AGPAT5: variants seen among roughly 807,000 people sequenced by gnomAD.
The protein encoded by AGPAT5 is 1-acyl-sn-glycerol-3-phosphate acyltransferase epsilon.
AGPAT5 carries 46 observed loss-of-function variants against 45.6 expected under a neutral mutation model. The ratio of observed to expected loss-of-function variants is 1.01; its 90% confidence interval spans 0.80 to 1.29. The LOEUF is 1.29. Ranked by LOEUF, AGPAT5 falls within the 50% of genes most tolerant of loss-of-function variation. AGPAT5 has a pLI of 0.00. For missense variants in AGPAT5, 673 were observed against 450.7 expected (o/e 1.49, Z -4.47); for synonymous variants, 272 against 167.0 (o/e 1.63, Z -4.85).
At chr8:6,755,472 G>A (rs533781422) in intron 7 of AGPAT5, among the ~76,000 whole-genome samples, 5 of 152,196 alleles carry the variant, frequency 3.3e-5, no homozygotes, top group Non-Finnish European at 7.3e-5. Flanking sequence ...ACTTTCCAGT[G>A]TCAGATGCCC....
intron 1 of AGPAT5, among the ~76,000 whole-genome samples, chr8:6,718,685 G>A (rs568190029): frequency 6.6e-6 from 1 of 152,344 alleles, no homozygotes; most frequent in African/African-American, 2.4e-5. Flanking sequence ...CTTACTGGAA[G>A]ATTGCCCTGT....
At chr8:6,726,736 A>C (rs1464728055) in intron 2 of AGPAT5, among the ~76,000 whole-genome samples, 1 of 152,190 alleles carries the variant, frequency 6.6e-6, no homozygotes, top group African/African-American at 2.4e-5. Flanking sequence ...TTCATTTATC[A>C]GTTTAGAGAA....
At chr8:6,729,932 C>T (rs748168762) in intron 2 of AGPAT5, among the ~76,000 whole-genome samples, 9 of 152,038 alleles carry the variant, frequency 5.9e-5, no homozygotes, top group Non-Finnish European at 1.3e-4. Context: ...CATGTGAGAC[C>T]TTTGTTTGAT....
intron 1 of AGPAT5, among the ~76,000 whole-genome samples, chr8:6,709,877 G>C (rs1800091244): frequency 1.3e-5 from 2 of 152,156 alleles, no homozygotes; most frequent in South Asian, 2.1e-4. Flanking sequence ...ATTTAAACCA[G>C]TGTCTGTAAG....
chr8:6,714,538 C>G lies in AGPAT5; in HGVS notation c.219+5651C>G, dbSNP rs534463135. On this transcript the variant is annotated intron_variant, in intron 1 of 7. Transcript: ENST00000285518. ...GCATTTGTGTATAGTTTTTTAATGCCTGATTTTTCTATTTTAAAATCACAG... is the reference window on the plus strand; with the variant it reads ...GCATTTGTGTATAGTTTTTTAATGCGTGATTTTTCTATTTTAAAATCACAG... Among the ~76,000 whole-genome samples, 356 of 152,216 alleles carry G rather than the reference C, an allele frequency of 2.3e-3. 2 individuals carry two copies. The highest frequency in any genetic ancestry group is 4.0e-3 in the Non-Finnish European group (273 of 68,002).
At chr8:6,741,014 TAAG>T (rs1801228312) in intron 4 of AGPAT5, among the ~76,000 whole-genome samples, 1 of 152,164 alleles carries the variant, frequency 6.6e-6, no homozygotes, top group Non-Finnish European at 1.5e-5. Context: ...CCTAAGCAGA[TAAG>T]CGTAAAAACT....
intron 3 of AGPAT5, among the ~76,000 whole-genome samples, chr8:6,732,285 A>G (rs1387300298): frequency 6.6e-6 from 1 of 152,248 alleles, no homozygotes; most frequent in Non-Finnish European, 1.5e-5. Context: ...TGTGTATTTA[A>G]GAAAGAAAGC....
chr8:6,723,167 G>C (rs1005425014), intron 1 of AGPAT5, among the ~76,000 whole-genome samples: 2 of 152,278 alleles, frequency 1.3e-5, no homozygotes, highest in South Asian at 4.1e-4. Flanking sequence ...GGTGACAAAA[G>C]TGTAAATAAT....
chr8:6,720,064 G>T (rs1412034393), intron 1 of AGPAT5, among the ~76,000 whole-genome samples: 1 of 152,164 alleles, frequency 6.6e-6, no homozygotes, highest in Non-Finnish European at 1.5e-5. Context: ...GGGAACTCAT[G>T]CTTCTAGTTC....
At chr8:6,747,946 C>T (rs879287469) in intron 6 of AGPAT5, 118 bp downstream of exon 6, 188 of 1,029,500 alleles carry the variant, frequency 1.8e-4, no homozygotes, top group African/African-American at 1.6e-3. Context: ...TACATTTACC[C>T]GGTATATTTT....
intron 5 of AGPAT5, chr8:6,746,324 T>C (rs1172355703): frequency 6.6e-6 from 1 of 152,242 alleles, no homozygotes; most frequent in Non-Finnish European, 1.5e-5. Context: ...CTACGCGTTC[T>C]GGAGCAGAAG....
At chr8:6,749,078 G>A (rs753365325) in intron 6 of AGPAT5, among the ~76,000 whole-genome samples, 14 of 152,184 alleles carry the variant, frequency 9.2e-5, no homozygotes, top group South Asian at 2.1e-4. Context: ...ACTGTGCACC[G>A]TTACATTATC....
At chr8:6,743,016 A>G (rs781759458) in intron 5 of AGPAT5, among the ~76,000 whole-genome samples, 2 of 152,134 alleles carry the variant, frequency 1.3e-5, no homozygotes, top group South Asian at 2.1e-4. Context: ...TCTGTAGTCT[A>G]CCTTTGTTGT....
At chr8:6,736,762 G>A (rs566369961) in intron 4 of AGPAT5, among the ~76,000 whole-genome samples, 1 of 152,332 alleles carries the variant, frequency 6.6e-6, no homozygotes, top group East Asian at 1.9e-4. Flanking sequence ...GTGCAGCCAG[G>A]GTTGCAGATG....
At chr8:6,734,666 AT>A (rs975825361) in intron 4 of AGPAT5, among the ~76,000 whole-genome samples, 41 of 152,002 alleles carry the variant, frequency 2.7e-4, no homozygotes, top group African/African-American at 9.4e-4. Context: ...ACTTCCTAAG[AT>A]TTTGCCTAAC....
chr8:6,727,596 G>A (rs1188603241), intron 2 of AGPAT5, among the ~76,000 whole-genome samples: 1 of 152,152 alleles, frequency 6.6e-6, no homozygotes, highest in Non-Finnish European at 1.5e-5. Context: ...GGTCAGGCTG[G>A]TCTTGAACTC....
intron 4 of AGPAT5, 33 bp downstream of exon 4, chr8:6,732,683 A>T (rs754947813): frequency 5.4e-6 from 8 of 1,490,758 alleles, no homozygotes; most frequent in Non-Finnish European, 6.4e-6. Context: ...TTTTCTTACC[A>T]GCTCTCAGTT....
intron 5 of AGPAT5, among the ~76,000 whole-genome samples, chr8:6,744,920 C>T (rs918179111): frequency 6.6e-6 from 1 of 152,218 alleles, no homozygotes; most frequent in Non-Finnish European, 1.5e-5. Context: ...ATCGTAAGAT[C>T]AATGCTGACT....
Position 6,741,768 on chromosome 8 carries a change from GTGTT to G in AGPAT5, c.586+20_586+23del, listed in dbSNP as rs1246273354. 3.2e-6 allele frequency: 5 copies of G among 1,562,112 alleles called. No homozygotes were observed. The highest frequency in any genetic ancestry group is 2.2e-5 in the East Asian group (1 of 44,566). On this transcript the variant is annotated intron_variant, in intron 5 of 7. Coordinates refer to ENST00000285518, the MANE Select transcript of AGPAT5 (RefSeq NM_018361.5). Reference sequence around the variant, plus strand: ...CCCAACGTGGTAAGTAAAAATTTGAGTGTTTGAACAAATAATTTTCAAAGATAAT... The same window carrying G: ...CCCAACGTGGTAAGTAAAAATTTGAGTGAACAAATAATTTTCAAAGATAAT...
Sources: allele counts gnomAD v4.1 joint callset (sites outside exome capture counted in the v4.1 genomes callset), GRCh38; gene constraint gnomAD v4.1.1; transcripts MANE v1.5; gene names NCBI Gene and HGNC (gene_info 2026-07-23, HGNC 2026-07-21).